MED13L: variants seen among roughly 807,000 people sequenced by gnomAD.
The protein encoded by MED13L is mediator of RNA polymerase II transcription subunit 13-like.
A neutral mutation model predicts 220.9 loss-of-function variants in MED13L; 7 were observed. The observed-to-expected ratio is 0.03, with a 90% CI of 0.02 to 0.06. The LOEUF is 0.06. Among genes scored for constraint, MED13L ranks in the 10% least tolerant of loss-of-function variants. The pLI is 1.00. For synonymous variants in MED13L, 1,011 were observed against 1,015.2 expected, an observed-to-expected ratio of 1.00 and a Z score of 0.08; for missense variants, 1,965 against 2,760.5, an observed-to-expected ratio of 0.71 and a Z score of 6.46.
At position 116,044,705 on chromosome 12, in the gene MED13L, C is replaced by T. The variant is rs867790581; in HGVS notation, c.480-22104G>A. On this transcript the variant is annotated intron_variant, in intron 4 of 30. Transcript: ENST00000281928. ...AAAATATTGTCATCCTCACTAATCC[C>T]CGGAAAAGTCACATCAAAGAAACAT... Among the ~76,000 whole-genome samples, 12 of 152,280 alleles carry T rather than the reference C, an allele frequency of 7.9e-5. No homozygotes were observed. In the South Asian group the frequency reaches 1.7e-3, roughly 21 times the overall value.
intron 1 of MED13L, among the ~76,000 whole-genome samples, chr12:116,275,570 T>C (rs1009862490): frequency 6.6e-5 from 10 of 152,180 alleles, no homozygotes; most frequent in African/African-American, 1.9e-4. Flanking sequence ...ATTAGTCTCA[T>C]AGCAAAAAGG....
intron 1 of MED13L, among the ~76,000 whole-genome samples, chr12:116,252,014 G>C (rs1871609751): frequency 1.3e-5 from 2 of 151,772 alleles, no homozygotes; most frequent in East Asian, 1.9e-4. Flanking sequence ...AAATGTCTAG[G>C]CACCTAATAA....
rs77235086 is a variant in MED13L, at chr12:116,264,986, G to C, written c.72+12074C>G. ...CCCATCAAACCACCATCTCTAGATTGATTAGACAGACAGACAGATAGAACT... is the reference window on the plus strand; with the variant it reads ...CCCATCAAACCACCATCTCTAGATTCATTAGACAGACAGACAGATAGAACT... On this transcript the variant is annotated intron_variant, in intron 1 of 30. Coordinates refer to ENST00000281928, the MANE Select transcript of MED13L (RefSeq NM_015335.5). Among the ~76,000 whole-genome samples the C allele has an allele frequency of 1.6e-3, 243 of 152,290 alleles. 1 individual carries two copies. Among genetic ancestry groups the C allele is most frequent in the African/African-American group, 5.5e-3 (229 of 41,568 alleles).
chr12:116,038,473 AAATCAGGAATGTTT>A (rs1307838586), intron 4 of MED13L, among the ~76,000 whole-genome samples: 1 of 152,116 alleles, frequency 6.6e-6, no homozygotes, highest in Non-Finnish European at 1.5e-5. Context: ...GTACACCTTA[AAATCAGGAATGTTT>A]ATGTTTTACA....
intron 4 of MED13L, among the ~76,000 whole-genome samples, chr12:116,039,262 C>T (rs1881381086): frequency 6.6e-6 from 1 of 152,214 alleles, no homozygotes; most frequent in African/African-American, 2.4e-5. Context: ...GGCCTTCCAA[C>T]ATTTGGCATT....
At chr12:116,272,328 C>A (rs764688949) in intron 1 of MED13L, among the ~76,000 whole-genome samples, 2 of 151,822 alleles carry the variant, frequency 1.3e-5, no homozygotes, top group African/African-American at 4.8e-5. Context: ...TTTGGGAGGC[C>A]GAGGCAGGCG....
At chr12:115,962,405 C>T (rs1875827718) in intron 30 of MED13L, among the ~76,000 whole-genome samples, 1 of 152,100 alleles carries the variant, frequency 6.6e-6, no homozygotes, top group South Asian at 2.1e-4. Flanking sequence ...GGAGGCGGAG[C>T]ACAGGCTGTA....
intron 1 of MED13L, among the ~76,000 whole-genome samples, chr12:116,251,991 A>C (rs924608378): frequency 6.6e-6 from 1 of 152,104 alleles, no homozygotes; most frequent in African/African-American, 2.4e-5. Context: ...TCAAGAAAAC[A>C]TAAAAAAATC....
At chr12:116,093,587 T>G (rs1872421415) in intron 4 of MED13L, among the ~76,000 whole-genome samples, 1 of 151,950 alleles carries the variant, frequency 6.6e-6, no homozygotes, top group South Asian at 2.1e-4. Flanking sequence ...TTCATCAGTA[T>G]TTTTTCACCA....
At position 116,205,947 on chromosome 12, in the gene MED13L, T is replaced by G. The variant is rs1434886167; in HGVS notation, c.310+31521A>C. Among the ~76,000 whole-genome samples the G allele has an allele frequency of 7.8e-4, 119 of 151,638 alleles. 1 individual carries two copies. The highest frequency in any genetic ancestry group is 2.4e-3 in the African/African-American group (98 of 41,452). On this transcript the variant is annotated intron_variant, in intron 2 of 30. Transcript: ENST00000281928. ...CACTGCATAACTAAAAACTTGTTTT[T>G]TTTTTTTTTTTGCTTCCTTTGTATA...
chr12:116,254,759 AG>A (rs1485557927), intron 1 of MED13L, among the ~76,000 whole-genome samples: 1 of 151,234 alleles, frequency 6.6e-6, no homozygotes, highest in African/African-American at 2.5e-5. Flanking sequence ...CTGTGTCCAA[AG>A]GGGGTGGGGG....
intron 1 of MED13L, among the ~76,000 whole-genome samples, chr12:116,273,392 C>CA (rs1184645689): frequency 6.6e-6 from 1 of 151,492 alleles, no homozygotes; most frequent in Admixed American, 6.6e-5. Context: ...TGAACTGGTA[C>CA]AAAAAAATAC....
chr12:116,101,436 T>C (rs1873056947), intron 3 of MED13L, among the ~76,000 whole-genome samples: 1 of 152,234 alleles, frequency 6.6e-6, no homozygotes, highest in African/African-American at 2.4e-5. Context: ...AATGTAATGC[T>C]GGCATTTTTC....
At chr12:116,059,569 C>G (rs1231961391) in intron 4 of MED13L, among the ~76,000 whole-genome samples, 1 of 151,946 alleles carries the variant, frequency 6.6e-6, no homozygotes, top group African/African-American at 2.4e-5. Flanking sequence ...AGACGCCCGC[C>G]ACCATGCCCA....
In MED13L at chr12:115,986,268, C is replaced by T. The variant is rs1877683022; in HGVS notation, c.4336G>A (p.Glu1446Lys). 6 of 1,613,724 alleles carry T rather than the reference C, an allele frequency of 3.7e-6. No individual in the cohort carries two copies. Among genetic ancestry groups the T allele is most frequent in the Admixed American group, 1.7e-5 (1 of 60,028 alleles). Residue 1446 changes from glutamate to lysine, a missense_variant and splice_region_variant, in exon 19 of 31, where the codon GAG (glutamate) becomes AAG (lysine). Transcript: ENST00000281928. ...AATTTTCACAGTAACTTCCTCACCT[C>T]GTATACAGCACTCAAGTCCCTGAAG... ...TFFRDLSAVY[E>K]MCRLGQHKPI...
At chr12:116,007,671 T>C (rs1234178608) in intron 10 of MED13L, 35 bp from the exon 11 acceptor site, 13 of 1,422,522 alleles carry the variant, frequency 9.1e-6, no homozygotes, top group Non-Finnish European at 1.3e-5. Context: ...AAAAAGAGCA[T>C]TTATGCCTTA....
chr12:116,066,219 T>C (rs1426212240), intron 4 of MED13L, among the ~76,000 whole-genome samples: 1 of 151,926 alleles, frequency 6.6e-6, no homozygotes, highest in African/African-American at 2.4e-5. Context: ...CACACAAAAG[T>C]AAAAAAGGTA....
At chr12:116,276,333 TGTGTGTGTGTGTGTGTGTGC>T in intron 1 of MED13L, 1 of 546,060 alleles carries the variant, frequency 1.8e-6, no homozygotes, top group Non-Finnish European at 3.0e-6. Flanking sequence ...TGTGTGTGTG[TGTGTGTGTGTGTGTGTGTGC>T]GGATTCGTTG....
At chr12:116,159,984 T>C (rs958245448) in intron 2 of MED13L, among the ~76,000 whole-genome samples, 1 of 152,118 alleles carries the variant, frequency 6.6e-6, no homozygotes, top group South Asian at 2.1e-4. Flanking sequence ...AAGGACTCAC[T>C]ACATGCTTCT....
Sources: gnomAD v4.1 joint callset for allele counts (sites outside exome capture counted in the v4.1 genomes callset) on GRCh38, gnomAD v4.1.1 for gene constraint, MANE v1.5 for transcripts, NCBI Gene and HGNC (gene_info 2026-07-23, HGNC 2026-07-21) for gene names.